Variants in STK3 observed in about 807,000 individuals in gnomAD.
STK3 encodes the protein serine/threonine-protein kinase 3.
In STK3, 41 loss-of-function variants were observed where a neutral mutation model predicts 58.0. The observed-to-expected ratio is 0.71, with a 90% CI of 0.55 to 0.92. The LOEUF (loss-of-function observed/expected upper bound fraction) is 0.92. STK3 is among the 40% of genes least tolerant of loss of function. The pLI, the probability that STK3 is intolerant of heterozygous loss-of-function variation, is 0.00. For synonymous variants in STK3, 170 were observed against 191.0 expected, an observed-to-expected ratio of 0.89 and a Z score of 0.91; for missense variants, 479 against 602.7, an observed-to-expected ratio of 0.79 and a Z score of 2.15.
At chr8:98,616,730 G>GGTAAAGGGATCAATTCAACATAT (rs1817760719) in intron 6 of STK3, among the ~76,000 whole-genome samples, 6 of 151,692 alleles carry the variant, frequency 4.0e-5, no homozygotes, top group Admixed American at 6.6e-5. Flanking sequence ...ATTACATAAT[G>GGTAAAGGGATCAATTCAACATAT]GTAAAGGGAT....
intron 10 of STK3, among the ~76,000 whole-genome samples, chr8:98,471,837 A>C (rs1443640160): frequency 6.6e-6 from 1 of 152,198 alleles, no homozygotes; most frequent in African/African-American, 2.4e-5. Flanking sequence ...GGTGGCTTTA[A>C]GGGAGAAAAT....
intron 6 of STK3, chr8:98,601,781 T>C (rs1314005229): frequency 1.3e-5 from 2 of 152,196 alleles, no homozygotes; most frequent in Non-Finnish European, 2.9e-5. Context: ...GTTGTGAAGT[T>C]TGAAACCTCA....
At chr8:98,355,139 A>G in the STK3 span, among the ~76,000 whole-genome samples, 4 of 152,304 alleles carry the variant, frequency 2.6e-5, no homozygotes, top group East Asian at 7.7e-4. Context: ...GGCCTAGGTA[A>G]TTAACCTCTG....
chr8:98,455,975 A>G lies in STK3; in HGVS notation c.1343T>C (p.Leu448Pro). 1.2e-6 allele frequency: 2 copies of G among 1,610,944 alleles called. No homozygotes were observed. The highest frequency in any genetic ancestry group is 1.7e-6 in the Non-Finnish European group (2 of 1,178,528). Reference sequence around the variant, plus strand: ...GTCCAGTGCTTTTAACCGCATCTGTAGTTCTTCTAAACTTAGATTTTTCAA... The same window carrying G: ...GTCCAGTGCTTTTAACCGCATCTGTGGTTCTTCTAAACTTAGATTTTTCAA... ...DFLKNLSLEE[L>P]QMRLKALDPM... Residue 448 changes from leucine to proline, a missense_variant, in exon 11 of 11, where the codon CTA (leucine) becomes CCA (proline). Leu to Pro is a moderately conservative substitution (Grantham distance 98, BLOSUM62 -3). Coordinates refer to ENST00000419617, the MANE Select transcript of STK3 (RefSeq NM_006281.4).
intron 6 of STK3, among the ~76,000 whole-genome samples, chr8:98,620,783 C>T (rs1161117677): frequency 6.6e-6 from 1 of 151,916 alleles, no homozygotes; most frequent in Non-Finnish European, 1.5e-5. Context: ...AATTGACAAA[C>T]CTCTTCCAAA....
chr8:98,539,195 C>A (rs1013426756), intron 9 of STK3, among the ~76,000 whole-genome samples: 4 of 152,118 alleles, frequency 2.6e-5, no homozygotes, highest in Admixed American at 1.3e-4. Context: ...CTGTACGATT[C>A]TGGGAGAAAA....
At chr8:98,745,165 T>C (rs1318781252) in intron 4 of STK3, among the ~76,000 whole-genome samples, 1 of 152,324 alleles carries the variant, frequency 6.6e-6, no homozygotes, top group East Asian at 1.9e-4. Context: ...TGTAACCAGC[T>C]GCATATGTTT....
At chr8:98,475,141 G>T (rs1821213269) in intron 10 of STK3, among the ~76,000 whole-genome samples, 1 of 152,172 alleles carries the variant, frequency 6.6e-6, no homozygotes, top group South Asian at 2.1e-4. Context: ...CATATCCAAT[G>T]ACTTGAATGT....
At chr8:98,506,443 C>A (rs2131384668) in intron 10 of STK3, among the ~76,000 whole-genome samples, 1 of 152,294 alleles carries the variant, frequency 6.6e-6, no homozygotes, top group South Asian at 2.1e-4. Flanking sequence ...GAACCAGGTA[C>A]CTCAATTGGA....
chr8:98,374,274 G>A (rs576018264), intron 2 of STK3, among the ~76,000 whole-genome samples: 2 of 152,284 alleles, frequency 1.3e-5, no homozygotes, highest in African/African-American at 4.8e-5. Flanking sequence ...TGAGGGGTGG[G>A]TACAGGTGAG....
rs530630466 is a variant in STK3 at position 98,790,028 on chromosome 8, C to CAAA, written c.27-15212_27-15210dup. 4.4e-4 allele frequency among the ~76,000 whole-genome samples: 39 copies of CAAA among 88,576 alleles called. 1 individual carries two copies. Among genetic ancestry groups the CAAA allele is most frequent in the Admixed American group, 5.4e-4 (4 of 7,454 alleles). 58.1% of individuals were successfully genotyped at this position (88,576 alleles called of 152,430 possible). On this transcript the variant is annotated intron_variant, in intron 1 of 10. Transcript: ENST00000419617. ...GGGGGACAAGAAGGAGACTTCATCT[C>CAAA]AAAAAAAAAAAAAAAAAAAGTCCAG...
At chr8:98,772,559 C>T (rs560913915) in intron 2 of STK3, among the ~76,000 whole-genome samples, 5 of 151,948 alleles carry the variant, frequency 3.3e-5, no homozygotes, top group African/African-American at 7.3e-5. Flanking sequence ...ATTAGCTGGG[C>T]GTGGTGGCAG....
intron 1 of STK3, among the ~76,000 whole-genome samples, chr8:98,887,223 G>A (rs533209956): frequency 4.0e-3 from 604 of 152,250 alleles, no homozygotes; most frequent in Non-Finnish European, 6.5e-3. Flanking sequence ...TCCGTGTTCA[G>A]TACAGAAACA....
chr8:98,703,472 T>C (rs189414795), intron 6 of STK3, among the ~76,000 whole-genome samples: 2 of 152,318 alleles, frequency 1.3e-5, no homozygotes, highest in Non-Finnish European at 2.9e-5. Flanking sequence ...AGCTTTCTCA[T>C]ATCTTAACTA....
chr8:98,612,040 A>G (rs1817236875), intron 6 of STK3, among the ~76,000 whole-genome samples: 1 of 149,088 alleles, frequency 6.7e-6, no homozygotes, highest in African/African-American at 2.4e-5. Context: ...TATAGTATAT[A>G]AAATATATAT....
chr8:98,912,247 C>T (rs1301177595), intron 1 of STK3, among the ~76,000 whole-genome samples: 1 of 152,086 alleles, frequency 6.6e-6, no homozygotes, highest in Non-Finnish European at 1.5e-5. Flanking sequence ...GATGTGGTGG[C>T]GCACGCCTGT....
chr8:98,521,693 G>T (rs1457558410), intron 10 of STK3, among the ~76,000 whole-genome samples: 1 of 152,030 alleles, frequency 6.6e-6, no homozygotes, highest in African/African-American at 2.4e-5. Context: ...TATTTTTCCA[G>T]ATTAACTACC....
intron 1 of STK3, among the ~76,000 whole-genome samples, chr8:98,823,483 T>C (rs1384023053): frequency 6.6e-6 from 1 of 152,196 alleles, no homozygotes; most frequent in Non-Finnish European, 1.5e-5. Flanking sequence ...TGCACAGCCT[T>C]TGTAGCCAAT....
Position 98,701,427 on chromosome 8 carries a change from G to A in STK3, c.684+5040C>T, listed in dbSNP as rs796767189. Among the ~76,000 whole-genome samples the A allele has an allele frequency of 5.3e-5, 8 of 152,102 alleles. 1 individual carries two copies. Among genetic ancestry groups the A allele is most frequent in the African/African-American group, 1.7e-4 (7 of 41,492 alleles). On this transcript the variant is annotated intron_variant, in intron 6 of 10. Coordinates refer to ENST00000419617, the MANE Select transcript of STK3 (RefSeq NM_006281.4). ...GAGGTCAGGAGTTCAAGATCAGTCT[G>A]GCCAACATGGTGAAACCCCGTCACT...
Sources: gnomAD v4.1 joint callset for allele counts (sites outside exome capture counted in the v4.1 genomes callset) on GRCh38, gnomAD v4.1.1 for gene constraint, MANE v1.5 for transcripts, NCBI Gene and HGNC (gene_info 2026-07-23, HGNC 2026-07-21) for gene names.